The following ST18 variants were observed in gnomAD, a reference collection of about 807,000 sequenced individuals.
ST18 encodes the protein ST18 C2H2C-type zinc finger transcription factor.
In ST18, 50 loss-of-function variants were observed where a neutral mutation model predicts 110.0. The observed-to-expected ratio is 0.45, with a 90% CI of 0.36 to 0.58. The LOEUF (loss-of-function observed/expected upper bound fraction) is 0.58. ST18 is among the 20% of genes least tolerant of loss of function. The probability of loss-of-function intolerance (pLI) is 0.00; values close to 1 mark genes in which losing one functional copy is unlikely to be tolerated. For missense variants in ST18, 1,306 were observed against 1,280.1 expected (o/e 1.02, Z -0.31); for synonymous variants, 461 against 452.4 (o/e 1.02, Z -0.24).
At chr8:52,202,233 T>A (rs757393219) in intron 8 of ST18, among the ~76,000 whole-genome samples, 1 of 152,202 alleles carries the variant, frequency 6.6e-6, no homozygotes, top group Non-Finnish European at 1.5e-5. Context: ...ACATGTTAAA[T>A]AGAAATGCCT....
chr8:52,145,746 A>C (rs1384266129), intron 16 of ST18, among the ~76,000 whole-genome samples: 2 of 152,238 alleles, frequency 1.3e-5, no homozygotes, highest in Non-Finnish European at 2.9e-5. Context: ...ATGGAAGTTT[A>C]TATTGATTTC....
intron 2 of ST18, among the ~76,000 whole-genome samples, chr8:52,362,985 GC>G (rs1826337641): frequency 6.6e-6 from 1 of 152,208 alleles, no homozygotes; most frequent in Non-Finnish European, 1.5e-5. Flanking sequence ...GCTGAGGTGG[GC>G]GGATCACGAG....
At chr8:52,209,786 A>T (rs867965046) in intron 8 of ST18, among the ~76,000 whole-genome samples, 2,556 of 132,896 alleles carry the variant, frequency 0.019, 49 homozygotes, top group African/African-American at 0.073. Context: ...AAAAAAAAAA[A>T]AAATATATAT....
intron 17 of ST18, 112 bp downstream of exon 17, chr8:52,142,818 G>A (rs2055704475): frequency 1.3e-6 from 1 of 752,324 alleles, no homozygotes; most frequent in East Asian, 2.5e-5. Flanking sequence ...ACTGCTGACT[G>A]GTAGAAATCA....
intron 19 of ST18, among the ~76,000 whole-genome samples, chr8:52,134,230 C>T (rs2051040476): frequency 6.6e-6 from 1 of 152,072 alleles, no homozygotes; most frequent in Non-Finnish European, 1.5e-5. Flanking sequence ...GGGGGAAAAT[C>T]CATCAATAAC....
At chr8:52,293,586 C>T (rs2139390084) in intron 2 of ST18, among the ~76,000 whole-genome samples, 1 of 152,312 alleles carries the variant, frequency 6.6e-6, no homozygotes, top group Non-Finnish European at 1.5e-5. Context: ...CCTCTCATTT[C>T]TTACATCCAG....
chr8:52,122,723 G>A (rs4320568), intron 23 of ST18, among the ~76,000 whole-genome samples: 5,994 of 151,918 alleles, frequency 0.039, 321 homozygotes, highest in African/African-American at 0.12. Context: ...TCCTGACCTC[G>A]TGATCCACCC....
At chr8:52,317,054 C>T (rs2096043040) in intron 2 of ST18, among the ~76,000 whole-genome samples, 1 of 152,164 alleles carries the variant, frequency 6.6e-6, no homozygotes, top group African/African-American at 2.4e-5. Context: ...TTCAATTAAT[C>T]TCACGTAGCG....
At chr8:52,203,227 A>G (rs184006897) in intron 8 of ST18, among the ~76,000 whole-genome samples, 2 of 152,338 alleles carry the variant, frequency 1.3e-5, no homozygotes, top group Non-Finnish European at 2.9e-5. Flanking sequence ...AAAGTGCTAT[A>G]TGCAAAAAGT....
chr8:52,161,220 T>C (rs2061367936), intron 14 of ST18, among the ~76,000 whole-genome samples, 155 bp downstream of exon 14: 1 of 152,190 alleles, frequency 6.6e-6, no homozygotes, highest in Non-Finnish European at 1.5e-5. Flanking sequence ...CTTATTATCG[T>C]TTTCTTTATG....
At position 52,392,151 on chromosome 8, in the gene ST18, G is replaced by A. The variant is rs79972449; in HGVS notation, c.-465+17177C>T. Among the ~76,000 whole-genome samples the A allele has an allele frequency of 2.7e-4, 41 of 152,314 alleles. No homozygotes were observed. In the East Asian group the frequency reaches 7.7e-3, roughly 29 times the overall value. On this transcript the variant is annotated intron_variant, in intron 2 of 25. Transcript: ENST00000689386. ...CTGTGTATGGAGTTGAGGGTAAACC[G>A]AATTAAGAGTATCTACATGAGAGGA...
At chr8:52,141,357 G>A (rs1332858252) in intron 17 of ST18, among the ~76,000 whole-genome samples, 1 of 152,184 alleles carries the variant, frequency 6.6e-6, no homozygotes, top group East Asian at 1.9e-4. Flanking sequence ...ATAAGAGGCA[G>A]CACAGTGCAT....
chr8:52,165,228 A>G lies in ST18; in HGVS notation c.1205-3T>C. The G allele has an allele frequency of 2.5e-6, 4 of 1,614,108 alleles. No individual in the cohort carries two copies. The South Asian group carries it at 4.4e-5, about 18-fold the overall frequency. ...CACATTTTCATGCATGGCAAGAACTAAGCACAAAACAACACATAAAGGAAA... is the reference window on the plus strand; with the variant it reads ...CACATTTTCATGCATGGCAAGAACTGAGCACAAAACAACACATAAAGGAAA... On this transcript the variant is annotated splice_region_variant and splice_polypyrimidine_tract_variant and intron_variant, in intron 11 of 25. Coordinates refer to ENST00000689386, the MANE Select transcript of ST18 (RefSeq NM_001352837.2).
intron 16 of ST18, among the ~76,000 whole-genome samples, chr8:52,144,012 G>A (rs903437990): frequency 2.0e-5 from 3 of 152,028 alleles, no homozygotes; most frequent in African/African-American, 7.2e-5. Context: ...TTCACTCCTG[G>A]ATGGAATTTC....
chr8:52,353,095 G>C (rs972165742), intron 2 of ST18, among the ~76,000 whole-genome samples: 3 of 152,196 alleles, frequency 2.0e-5, no homozygotes, highest in African/African-American at 7.2e-5. Context: ...CAAGGGGTTT[G>C]TCGTATATCA....
At chr8:52,266,735 G>C (rs1005098347) in intron 2 of ST18, among the ~76,000 whole-genome samples, 3 of 151,824 alleles carry the variant, frequency 2.0e-5, no homozygotes, top group Non-Finnish European at 2.9e-5. Context: ...GTAGAGATGG[G>C]GTTTCACCAT....
chr8:52,235,771 G>A (rs893001405), intron 2 of ST18, among the ~76,000 whole-genome samples: 3 of 152,118 alleles, frequency 2.0e-5, no homozygotes, highest in Non-Finnish European at 4.4e-5. Flanking sequence ...ATACAAATGG[G>A]TAAAAAGCCT....
rs933419696 is a variant in ST18 at position 52,348,936 on chromosome 8, T to C, written c.-465+60392A>G. Among the ~76,000 whole-genome samples the C allele has an allele frequency of 5.9e-5, 9 of 152,316 alleles. 2 individuals carry two copies. Among genetic ancestry groups the C allele is most frequent in the Non-Finnish European group, 2.9e-5 (2 of 68,032 alleles). On this transcript the variant is annotated intron_variant, in intron 2 of 25. Transcript: ENST00000689386. ...GTATTTACAATACCATATTGTACAA[T>C]AGATCTCTCAAACTGATTTCTTCTA...
chr8:52,347,455 T>C (rs1465656704), intron 2 of ST18, among the ~76,000 whole-genome samples: 2 of 152,120 alleles, frequency 1.3e-5, no homozygotes, highest in Non-Finnish European at 2.9e-5. Context: ...CCAGAACAGT[T>C]CAAATACATT....
Sources: allele counts gnomAD v4.1 joint callset (sites outside exome capture counted in the v4.1 genomes callset), GRCh38; gene constraint gnomAD v4.1.1; transcripts MANE v1.5; gene names NCBI Gene and HGNC (gene_info 2026-07-23, HGNC 2026-07-21).